Variants in SPATA7 observed in about 807,000 individuals in gnomAD.
SPATA7 encodes spermatogenesis associated 7.
Under a neutral mutation model 51.8 loss-of-function variants are expected in SPATA7, and 43 were observed. That is an observed-to-expected ratio of 0.83 (90% CI 0.65 to 1.07). The LOEUF is 1.07. Among genes scored for constraint, SPATA7 ranks in the 50% least tolerant of loss-of-function variants. The probability of loss-of-function intolerance (pLI) is 0.00; values close to 1 mark genes in which losing one functional copy is unlikely to be tolerated. For missense variants in SPATA7, 683 were observed against 701.3 expected (o/e 0.97, Z 0.30); for synonymous variants, 230 against 252.8 (o/e 0.91, Z 0.86).
At chr14:88,442,664 T>G (rs1009441202), downstream of SPATA7, among the ~76,000 whole-genome samples, 1 of 152,178 alleles carries the variant, frequency 6.6e-6, no homozygotes, top group African/African-American at 2.4e-5. Context: ...GGATTATCTT[T>G]TTGATATGCT....
intron 1 of SPATA7, chr14:88,386,139 C>A: frequency 1.0e-6 from 1 of 978,224 alleles, no homozygotes; most frequent in South Asian, 1.9e-5. Context: ...GCAGAGGAAC[C>A]AGGTTTGGTC....
chr14:88,460,786 T>C (rs889488632), intron 4 of SPATA7, among the ~76,000 whole-genome samples: 18 of 152,186 alleles, frequency 1.2e-4, no homozygotes, highest in Non-Finnish European at 1.2e-4. Context: ...AGAGGCGCTC[T>C]GATTTTTAGA....
chr14:88,448,559 C>A (rs1488785510), intron 3 of SPATA7, among the ~76,000 whole-genome samples: 2 of 152,204 alleles, frequency 1.3e-5, no homozygotes, highest in African/African-American at 4.8e-5. Context: ...AGGAGAGGCG[C>A]TCTGCTTTTT....
intron 3 of SPATA7, among the ~76,000 whole-genome samples, chr14:88,448,771 G>C (rs535190084): frequency 1.9e-3 from 287 of 152,206 alleles, no homozygotes; most frequent in Admixed American, 3.5e-3. Flanking sequence ...GCCCCTGCTT[G>C]GGGGTGCCTC....
At chr14:88,386,326 C>A (rs930811645) in intron 1 of SPATA7, among the ~76,000 whole-genome samples, 7 of 152,112 alleles carry the variant, frequency 4.6e-5, no homozygotes, top group African/African-American at 1.7e-4. Flanking sequence ...TCAGTAAATA[C>A]GAAATCTCCC....
Position 88,437,997 on chromosome 14 carries a change from A to G in SPATA7, c.1375A>G (p.Thr459Ala). The G allele has an allele frequency of 6.2e-7, 1 of 1,614,100 alleles. No homozygotes were observed. Among genetic ancestry groups the G allele is most frequent in the Non-Finnish European group, 8.5e-7 (1 of 1,179,998 alleles). ...TGAATTAAAAAATGAAAGTGAAGTA[A>G]CAATTCAGCAGGAACGTCAACAATA... ...PNELKNESEV[T>A]IQQERQQYQK... Residue 459 changes from threonine to alanine, a missense_variant, in exon 12 of 12, where the codon ACA becomes GCA. Transcript: ENST00000393545.
intron 1 of SPATA7, among the ~76,000 whole-genome samples, chr14:88,388,590 A>G (rs2075648569): frequency 6.6e-6 from 1 of 152,152 alleles, no homozygotes; most frequent in African/African-American, 2.4e-5. Flanking sequence ...TTCATAAAAG[A>G]GTAACTATAA....
intron 9 of SPATA7, chr14:88,432,934 A>G (rs2076979989): frequency 7.3e-6 from 4 of 549,520 alleles, no homozygotes; most frequent in Admixed American, 6.7e-5. Flanking sequence ...CTATTAGGTC[A>G]TCACCTTTAG....
rs150811311 is a variant in SPATA7, at chr14:88,450,668, A to G, written c.178-4392A>G. Among the ~76,000 whole-genome samples, 165 of 152,292 alleles carry G rather than the reference A, an allele frequency of 1.1e-3. 3 individuals are homozygous for G. The East Asian group carries it at 0.023, about 21-fold the overall frequency. On this transcript the variant is annotated intron_variant, in intron 3 of 3. Transcript: ENST00000554802. ...TAGGGTTTCGGCTGAGAAATCTGCT[A>G]TTAATCTGATAGGTTATCTTTTATA...
chr14:88,455,717 A>G (rs1028866631), downstream of SPATA7, among the ~76,000 whole-genome samples: 1 of 152,072 alleles, frequency 6.6e-6, no homozygotes, highest in African/African-American at 2.4e-5. Context: ...TGCTTCATGA[A>G]AACTCCATTT....
Position 88,469,528 on chromosome 14 carries a change from C to T in SPATA7, c.255-319C>T, listed in dbSNP as rs1190656327. 3.1e-6 allele frequency: 5 copies of T among 1,614,114 alleles called. No individual in the cohort carries two copies. The South Asian group carries it at 4.4e-5, about 14-fold the overall frequency. On this transcript the variant is annotated intron_variant, in intron 4 of 4. Transcript: ENST00000556406. The surrounding 1 kb of genome is among the most constrained non-coding windows in gnomAD (Gnocchi z 4.3). ...AAATCCCTTGAGGTCTTCTGGACAG[C>T]CATGTTCAGGCCAGTCTGTGTATTG... is the stretch of plus-strand genomic sequence containing the variant.
intron 4 of SPATA7, chr14:88,468,880 C>CAA: frequency 6.2e-7 from 1 of 1,613,432 alleles, no homozygotes; most frequent in East Asian, 2.2e-5. Flanking sequence ...GCCTCATTTC[C>CAA]ACCCAAAAAG....
At chr14:88,446,904 G>GTA (rs2077217576) in intron 3 of SPATA7, among the ~76,000 whole-genome samples, 1 of 152,052 alleles carries the variant, frequency 6.6e-6, no homozygotes, top group Admixed American at 6.6e-5. Flanking sequence ...TTACTTCCAA[G>GTA]TATGTGGTCA....
intron 3 of SPATA7, among the ~76,000 whole-genome samples, chr14:88,454,466 G>T (rs1344891314): frequency 6.6e-6 from 1 of 152,154 alleles, no homozygotes; most frequent in Non-Finnish European, 1.5e-5. Flanking sequence ...CTGGGGAGCT[G>T]CTATTCAGCC....
chr14:88,387,895 G>A (rs898412634), intron 1 of SPATA7, among the ~76,000 whole-genome samples: 2 of 152,108 alleles, frequency 1.3e-5, no homozygotes, highest in African/African-American at 4.8e-5. Context: ...TTAGGAAGGA[G>A]AGGAGACAAC....
intron 2 of SPATA7, among the ~76,000 whole-genome samples, chr14:88,392,146 A>G (rs1420274897): frequency 1.3e-5 from 2 of 152,176 alleles, no homozygotes; most frequent in Admixed American, 6.5e-5. Flanking sequence ...GTGGCTATGT[A>G]TGTATGTAAC....
At position 88,426,599 on chromosome 14, in the gene SPATA7, C is replaced by T. The variant is rs1330644281; in HGVS notation, c.740C>T (p.Thr247Ile). Residue 247 changes from threonine to isoleucine, a missense_variant, in exon 6 of 12, where the codon ACA becomes ATA. Thr to Ile is a moderately conservative substitution (Grantham distance 89). Transcript: ENST00000393545. ...CCATTCACTCCTCGCACTTTAAAAACAGAAGCAAAATCTTTCCTGTCACAG... is the reference window on the plus strand; with the variant it reads ...CCATTCACTCCTCGCACTTTAAAAATAGAAGCAAAATCTTTCCTGTCACAG... Reference protein sequence around the residue: ...QLPFTPRTLKTEAKSFLSQYR... With the variant: ...QLPFTPRTLKIEAKSFLSQYR... 1 of 1,614,150 alleles carries T rather than the reference C, an allele frequency of 6.2e-7. No individual in the cohort carries two copies. Among genetic ancestry groups the T allele is most frequent in the South Asian group, 1.1e-5 (1 of 91,082 alleles).
At chr14:88,392,019 C>T (rs990468566) in intron 2 of SPATA7, among the ~76,000 whole-genome samples, 1 of 152,064 alleles carries the variant, frequency 6.6e-6, no homozygotes, top group Non-Finnish European at 1.5e-5. Flanking sequence ...GCCTTATTTT[C>T]CTTATTTACA....
chr14:88,431,248 G>A (rs760322259), intron 9 of SPATA7, 23 bp downstream of exon 9: 34 of 1,594,820 alleles, frequency 2.1e-5, no homozygotes, highest in Middle Eastern at 3.3e-4. Flanking sequence ...TTAAGTCTTC[G>A]TTTTGCATAG....
Sources: gnomAD v4.1 joint callset for allele counts (sites outside exome capture counted in the v4.1 genomes callset) on GRCh38, gnomAD v4.1.1 for gene constraint, Gnocchi (gnomAD v3.1) non-coding constraint, MANE v1.5 for transcripts, NCBI Gene and HGNC (gene_info 2026-07-23, HGNC 2026-07-21) for gene names.